The following GGA3 variants were observed in gnomAD, a reference collection of about 807,000 sequenced individuals.
The protein encoded by GGA3 is ADP-ribosylation factor-binding protein GGA3.
A neutral mutation model predicts 77.5 loss-of-function variants in GGA3; 57 were observed. That is an observed-to-expected ratio of 0.74 (90% CI 0.59 to 0.92). GGA3 has a LOEUF of 0.92. Among genes scored for constraint, GGA3 ranks in the 40% least tolerant of loss-of-function variants. The probability of loss-of-function intolerance (pLI) is 0.00; values close to 1 mark genes in which losing one functional copy is unlikely to be tolerated. For missense variants in GGA3, 970 were observed against 914.9 expected (o/e 1.06, Z -0.78); for synonymous variants, 416 against 383.7 (o/e 1.08, Z -0.98).
At chr17:75,257,288 C>CACCA (rs1555591689) in intron 1 of GGA3, among the ~76,000 whole-genome samples, 1 of 133,364 alleles carries the variant, frequency 7.5e-6, no homozygotes, top group East Asian at 2.4e-4. Context: ...GCCCCCCCCC[C>CACCA]CAAAAAAAAC....
At chr17:75,260,446 A>C (rs2145618468) in intron 1 of GGA3, among the ~76,000 whole-genome samples, 1 of 152,342 alleles carries the variant, frequency 6.6e-6, no homozygotes, top group African/African-American at 2.4e-5. Flanking sequence ...AAGAAGCCTT[A>C]TGACCTGCCT....
chr17:75,258,502 T>C (rs2077232410), intron 1 of GGA3, among the ~76,000 whole-genome samples: 1 of 152,104 alleles, frequency 6.6e-6, no homozygotes, highest in East Asian at 1.9e-4. Flanking sequence ...AAACCCCATC[T>C]CTACTAAAAA....
chr17:75,237,591 T>G lies in GGA3; in HGVS notation c.*688A>C. On this transcript the variant is annotated 3_prime_UTR_variant, in exon 17 of 17. Coordinates refer to ENST00000537686, the MANE Select transcript of GGA3 (RefSeq NM_138619.4). ...TCCTTCCTATCCCTAGTTGGGCCTG[T>G]CATGAGGCCAAATTCCATGTCCTGC... 6.5e-7 allele frequency: 1 copy of G among 1,534,324 alleles called. No individual in the cohort carries two copies. The highest frequency in any genetic ancestry group is 8.7e-7 in the Non-Finnish European group (1 of 1,145,832).
chr17:75,239,653 C>G, intron 13 of GGA3, 82 bp from the exon 14 acceptor site: 1 of 1,451,696 alleles, frequency 6.9e-7, no homozygotes, highest in Non-Finnish European at 9.5e-7. Flanking sequence ...TGACCATGCT[C>G]TTACCCAGGC....
At chr17:75,244,834 T>C in intron 3 of GGA3, 117 bp from the exon 4 acceptor site, 1 of 715,440 alleles carries the variant, frequency 1.4e-6, no homozygotes, top group Non-Finnish European at 2.5e-6. Flanking sequence ...AGGAAGGAGC[T>C]CATCACGAAA....
At chr17:75,256,702 A>T (rs2077163110) in intron 1 of GGA3, among the ~76,000 whole-genome samples, 1 of 152,096 alleles carries the variant, frequency 6.6e-6, no homozygotes, top group South Asian at 2.1e-4. Flanking sequence ...TCCATCTGCT[A>T]TTCTACTACT....
upstream of GGA3, chr17:75,261,643 G>T (rs2077389136): frequency 1.4e-6 from 2 of 1,464,256 alleles, no homozygotes; most frequent in Non-Finnish European, 9.1e-7. Flanking sequence ...CACGAGCTGA[G>T]ACGGGGCGGG....
chr17:75,240,538 C>T (rs549358505), intron 11 of GGA3, 126 bp from the exon 12 acceptor site: 3 of 693,942 alleles, frequency 4.3e-6, no homozygotes, highest in Non-Finnish European at 7.5e-6. Context: ...AGAAGCTGTT[C>T]TGCAGGCAGC....
chr17:75,237,767 G>A lies in GGA3; in HGVS notation c.*512C>T. 2.1e-6 allele frequency: 3 copies of A among 1,430,410 alleles called. No individual in the cohort carries two copies. Among genetic ancestry groups the A allele is most frequent in the African/African-American group, 1.4e-5 (1 of 69,690 alleles). The allele number at this position is 1,430,410 out of a possible 1,614,324, so 88.6% of individuals were successfully genotyped here. On this transcript the variant is annotated 3_prime_UTR_variant, in exon 17 of 17. Coordinates refer to ENST00000537686, the MANE Select transcript of GGA3 (RefSeq NM_138619.4). ...CTTATTCTGGGCCAGGCACCTTCCT[G>A]GGCCACCTCCCTGGGGATGGCAGCA... is the stretch of plus-strand genomic sequence containing the variant.
At chr17:75,243,027 C>T (rs947004534) in intron 6 of GGA3, 36 bp downstream of exon 6, 4 of 1,545,026 alleles carry the variant, frequency 2.6e-6, no homozygotes, top group Non-Finnish European at 3.6e-6. Context: ...CACCCACTCT[C>T]GTATGAGAAA....
rs188220858 is a variant in GGA3 at position 75,254,721 on chromosome 17, G to C, written c.40+6827C>G. Reference sequence around the variant, plus strand: ...GGCAGCCAAGTAACAACATATTTCTGAGTTGCAATTCCTTACCTCCACTGT... The same window carrying C: ...GGCAGCCAAGTAACAACATATTTCTCAGTTGCAATTCCTTACCTCCACTGT... On this transcript the variant is annotated intron_variant, in intron 1 of 16. Transcript: ENST00000537686. 3.3e-5 allele frequency among the ~76,000 whole-genome samples: 5 copies of C among 152,190 alleles called. No individual in the cohort carries two copies. In the East Asian group the frequency reaches 9.6e-4, roughly 29 times the overall value.
At chr17:75,240,549 C>T in intron 11 of GGA3, 137 bp from the exon 12 acceptor site, 1 of 685,422 alleles carries the variant, frequency 1.5e-6, no homozygotes, top group Non-Finnish European at 2.5e-6. Context: ...TGCAGGCAGC[C>T]TCCAGAGGGG....
chr17:75,258,394 G>A (rs990424224), intron 1 of GGA3, among the ~76,000 whole-genome samples: 30 of 152,198 alleles, frequency 2.0e-4, no homozygotes, highest in Non-Finnish European at 4.0e-4. Context: ...TGGGCTGGGC[G>A]TGGTAGCTCA....
intron 12 of GGA3, 87 bp from the exon 13 acceptor site, chr17:75,240,195 G>A (rs908396675): frequency 3.0e-5 from 37 of 1,247,798 alleles, no homozygotes; most frequent in East Asian, 1.3e-4. Flanking sequence ...AGGACTGCAC[G>A]GAAGACAGCC....
In GGA3 at chr17:75,239,453, G is replaced by A. The variant is rs1194029702; in HGVS notation, c.1702C>T (p.Gln568Ter). The change falls in exon 14 of 17, where the codon CAG becomes TAG. Residue 568 changes from glutamine (Q) to a stop codon, truncating the protein, a stop_gained. Transcript: ENST00000537686. LOFTEE classifies it high-confidence loss of function. ...CCCTTCGGGGGGCTGCCCTGGGACT[G>A]GAAACTCAGTGGCTGGAAGAGCGGG... ...GSPLFQPLSF[Q>*]SQGSPPKGPE... 3.8e-6 allele frequency: 6 copies of A among 1,581,220 alleles called. No individual in the cohort carries two copies. Among genetic ancestry groups the A allele is most frequent in the East Asian group, 2.2e-5 (1 of 44,744 alleles).
At chr17:75,243,390 C>G in intron 5 of GGA3, 57 bp downstream of exon 5, 1 of 1,607,364 alleles carries the variant, frequency 6.2e-7, no homozygotes, top group Non-Finnish European at 8.5e-7. Flanking sequence ...CCCTTCTCTC[C>G]TTGCCTGGGC....
intron 1 of GGA3, among the ~76,000 whole-genome samples, chr17:75,247,541 CG>C (rs1374470112): frequency 6.6e-6 from 1 of 152,178 alleles, no homozygotes; most frequent in Admixed American, 6.5e-5. Flanking sequence ...GGATTACAGG[CG>C]TGAGTCACCG....
At chr17:75,241,200 G>T in intron 10 of GGA3, 143 bp from the exon 11 acceptor site, 1 of 1,063,468 alleles carries the variant, frequency 9.4e-7, no homozygotes. Flanking sequence ...ATGCTGCAAA[G>T]CAAGCCCGAG....
intron 1 of GGA3, among the ~76,000 whole-genome samples, chr17:75,252,929 T>A (rs184761622): frequency 6.6e-5 from 10 of 152,330 alleles, no homozygotes; most frequent in South Asian, 4.1e-4. Flanking sequence ...GAACTAATGA[T>A]AATCCACCAC....
Sources: gnomAD v4.1 joint callset for allele counts (sites outside exome capture counted in the v4.1 genomes callset) on GRCh38, gnomAD v4.1.1 for gene constraint, MANE v1.5 for transcripts, NCBI Gene and HGNC (gene_info 2026-07-23, HGNC 2026-07-21) for gene names.